Variants in ABCA8 observed in about 807,000 individuals in gnomAD.
The protein encoded by ABCA8 is ATP binding cassette subfamily A member 8.
Under a neutral mutation model 192.3 loss-of-function variants are expected in ABCA8, and 177 were observed. The ratio of observed to expected loss-of-function variants is 0.92; its 90% CI spans 0.81 to 1.04. The LOEUF (loss-of-function observed/expected upper bound fraction) is 1.04. ABCA8 is among the 50% of genes least tolerant of loss of function. The pLI, the probability that ABCA8 is intolerant of heterozygous loss-of-function variation, is 0.00. For synonymous variants in ABCA8, 642 were observed against 690.2 expected (o/e 0.93, Z 1.09); for missense variants, 1,915 against 1,904.8 (o/e 1.01, Z -0.10).
At chr17:68,927,341 A>G (rs986144164) in intron 10 of ABCA8, among the ~76,000 whole-genome samples, 5 of 152,236 alleles carry the variant, frequency 3.3e-5, no homozygotes, top group Non-Finnish European at 5.9e-5. Flanking sequence ...TCATCTGTGA[A>G]CAAAACGAAT....
At chr17:68,924,643 G>C in intron 11 of ABCA8, 58 bp downstream of exon 11, 1 of 1,558,736 alleles carries the variant, frequency 6.4e-7, no homozygotes, top group Non-Finnish European at 8.7e-7. Context: ...GCTTGCCTCA[G>C]GTGCTATCTC....
rs771900562 is a variant in ABCA8, at chr17:68,942,854, C to A, written c.-5-815G>T. Among the ~76,000 whole-genome samples the A allele has an allele frequency of 7.2e-5, 11 of 152,256 alleles. No homozygotes were observed. The East Asian group carries it at 2.1e-3, about 29-fold the overall frequency. ...TCAATAGTTCTGTATATTAAACTTA[C>A]TTCATTTAATTACTATGTAGTTTCT... On this transcript the variant is annotated intron_variant, in intron 2 of 39. Coordinates refer to ENST00000586539, the MANE Select transcript of ABCA8 (RefSeq NM_001288985.2).
intron 17 of ABCA8, among the ~76,000 whole-genome samples, chr17:68,912,536 G>T (rs543973357): frequency 2.0e-5 from 3 of 152,114 alleles, no homozygotes; most frequent in Non-Finnish European, 4.4e-5. Context: ...GTTTATTCAA[G>T]GGATAATAAC....
chr17:68,891,959 ACT>A (rs2066631775), intron 23 of ABCA8, among the ~76,000 whole-genome samples: 1 of 152,202 alleles, frequency 6.6e-6, no homozygotes, highest in Non-Finnish European at 1.5e-5. Flanking sequence ...TGACAGCTTA[ACT>A]CAAAAAATAT....
chr17:68,887,914 ATATATATATAT>A lies in ABCA8; in HGVS notation c.3145-419_3145-409del, dbSNP rs2066519999. 4.8e-5 allele frequency among the ~76,000 whole-genome samples: 2 copies of A among 41,346 alleles called. 1 individual carries two copies. Among genetic ancestry groups the A allele is most frequent in the African/African-American group, 3.0e-4 (2 of 6,624 alleles). The allele number at this position is 41,346 out of a possible 152,430, so 27.1% of individuals were successfully genotyped here. A position where few individuals can be genotyped will look rare whatever the true frequency, so the allele number is the denominator to read the frequency against. ...TATATATATATATATATATCCATATATATATATATATTATATATGGATATATATATTATATA... is the reference window on the plus strand; with the variant it reads ...TATATATATATATATATATCCATATATATATATGGATATATATATTATATA... On this transcript the variant is annotated intron_variant, in intron 24 of 39. Transcript: ENST00000586539.
chr17:68,944,653 C>CA (rs995837361), intron 2 of ABCA8: 2 of 151,740 alleles, frequency 1.3e-5, no homozygotes, highest in Non-Finnish European at 2.9e-5. Context: ...TGGGTAGAAG[C>CA]AAAAAACCAC....
At chr17:68,925,135 A>G (rs1195635648) in intron 10 of ABCA8, among the ~76,000 whole-genome samples, 2 of 152,260 alleles carry the variant, frequency 1.3e-5, no homozygotes, top group Non-Finnish European at 2.9e-5. Flanking sequence ...AGAATTTCTT[A>G]ACCTCAAGAA....
chr17:68,910,526 C>T (rs2067206590), intron 17 of ABCA8, among the ~76,000 whole-genome samples: 1 of 152,138 alleles, frequency 6.6e-6, no homozygotes, highest in Admixed American at 6.5e-5. Flanking sequence ...GACTGAAATT[C>T]CTGGGCAAGT....
chr17:68,919,508 A>G (rs757965669), intron 13 of ABCA8, 32 bp from the exon 14 acceptor site: 1 of 1,563,678 alleles, frequency 6.4e-7, no homozygotes, highest in South Asian at 1.1e-5. Context: ...TATCAAGATA[A>G]GGCTTAAGAT....
At position 68,929,097 on chromosome 17, in the gene ABCA8, C is replaced by A. The variant is rs951254854; in HGVS notation, c.1077G>T (p.Trp359Cys). The A allele has an allele frequency of 5.0e-6, 8 of 1,600,332 alleles. No homozygotes were observed. The Middle Eastern group carries it at 6.7e-4, about 133-fold the overall frequency. Residue 359 changes from tryptophan (W) to cysteine (C), a missense_variant, in exon 9 of 40, where the codon TGG becomes TGT. Trp to Cys is a radical substitution (Grantham distance 215). Transcript: ENST00000586539. Reference protein sequence around the residue: ...LYRHLPASLEWILSLLSPFAF... With the variant: ...LYRHLPASLECILSLLSPFAF... ...CAAAGGGACTAAGCAAGCTTAAAAT[C>A]CACTCCAAGGATGCAGGAAGGTGTC...
intron 24 of ABCA8, among the ~76,000 whole-genome samples, chr17:68,890,622 G>A (rs189395722): frequency 3.9e-5 from 6 of 152,216 alleles, no homozygotes; most frequent in Admixed American, 1.3e-4. Context: ...AGGTTCAAGC[G>A]ATTCTCCTGC....
chr17:68,874,066 G>A (rs1308829883), intron 37 of ABCA8, among the ~76,000 whole-genome samples: 3 of 152,154 alleles, frequency 2.0e-5, no homozygotes. Context: ...ACTGGGGGAA[G>A]GGAGTGTAAT....
intron 25 of ABCA8, 31 bp from the exon 26 acceptor site, chr17:68,887,161 A>T (rs2066483217): frequency 6.7e-7 from 1 of 1,498,898 alleles, no homozygotes; most frequent in Admixed American, 1.9e-5. Context: ...AAGCTTAGTT[A>T]AATACAAATG....
chr17:68,919,889 G>T (rs932298580), intron 13 of ABCA8: 1 of 154,718 alleles, frequency 6.5e-6, no homozygotes, highest in Admixed American at 6.4e-5. Flanking sequence ...CCCCAGATAT[G>T]TGAGTGAGGC....
At chr17:68,889,837 T>C (rs1461183154) in intron 24 of ABCA8, among the ~76,000 whole-genome samples, 4 of 152,236 alleles carry the variant, frequency 2.6e-5, no homozygotes, top group South Asian at 2.1e-4. Flanking sequence ...ATTCCCTCAG[T>C]GTAATGGTTC....
intron 24 of ABCA8, among the ~76,000 whole-genome samples, chr17:68,889,005 A>T (rs1029158880): frequency 6.6e-6 from 1 of 152,234 alleles, no homozygotes; most frequent in Non-Finnish European, 1.5e-5. Context: ...GCATCACAAA[A>T]GCCAAAGAAA....
At chr17:68,873,498 G>T (rs924451491) in intron 37 of ABCA8, among the ~76,000 whole-genome samples, 5 of 152,108 alleles carry the variant, frequency 3.3e-5, no homozygotes, top group South Asian at 2.1e-4. Context: ...CATTCCATAG[G>T]TTGCCTTTCA....
At chr17:68,951,073 A>T (rs1358251555) in intron 1 of ABCA8, among the ~76,000 whole-genome samples, 1 of 152,170 alleles carries the variant, frequency 6.6e-6, no homozygotes, top group Non-Finnish European at 1.5e-5. Flanking sequence ...AGTGCTAGCC[A>T]GTCCCCTCCC....
At chr17:68,872,944 T>G (rs1363952171) in intron 37 of ABCA8, among the ~76,000 whole-genome samples, 1 of 152,242 alleles carries the variant, frequency 6.6e-6, no homozygotes, top group East Asian at 1.9e-4. Flanking sequence ...TAAAAAAATT[T>G]TAGAAGTTTA....
Sources: gnomAD v4.1 joint callset for allele counts (sites outside exome capture counted in the v4.1 genomes callset) on GRCh38, gnomAD v4.1.1 for gene constraint, MANE v1.5 for transcripts, NCBI Gene and HGNC (gene_info 2026-07-23, HGNC 2026-07-21) for gene names.